FAM53B: variants seen among roughly 807,000 people sequenced by gnomAD.
The protein encoded by FAM53B is family with sequence similarity 53 member B.
Under a neutral mutation model 32.7 loss-of-function variants are expected in FAM53B, and 12 were observed. The observed-to-expected ratio is 0.37, with a 90% confidence interval of 0.24 to 0.59. The LOEUF is 0.59. Ranked by LOEUF, FAM53B falls within the 20% of genes least tolerant of loss-of-function variation. The pLI is 0.72. For synonymous variants in FAM53B, 234 were observed against 228.7 expected (o/e 1.02, Z -0.21); for missense variants, 477 against 577.7 (o/e 0.83, Z 1.79).
In FAM53B at chr10:124,706,658, C is replaced by A. The variant is rs1409435533; in HGVS notation, c.56G>T (p.Cys19Phe). The A allele has an allele frequency of 3.1e-6, 5 of 1,614,232 alleles. No individual in the cohort carries two copies. In the South Asian group the frequency reaches 3.3e-5, roughly 11 times the overall value. ...LSTRGADSIA[C>F]GTFSRELHTP... ...CACCAGTTCACGGCTGAAGGTCCCA[C>A]ATGCAATGGAGTCAGCTCCCCGGGT... Residue 19 changes from cysteine (C) to phenylalanine (F), a missense_variant, in exon 2 of 5, where the codon TGT becomes TTT. This residue lies in a region of FAM53B where 312 missense variants were observed against 420.2 expected (regional missense o/e 0.74). Transcript: ENST00000337318.
intron 2 of FAM53B, among the ~76,000 whole-genome samples, chr10:124,700,979 G>A (rs183539775): frequency 6.6e-6 from 1 of 152,272 alleles, no homozygotes; most frequent in East Asian, 1.9e-4. Context: ...GCTGAGGAGG[G>A]AACAGCACCT....
At chr10:124,646,290 C>T (rs1175870637) in intron 4 of FAM53B, among the ~76,000 whole-genome samples, 1 of 152,218 alleles carries the variant, frequency 6.6e-6, no homozygotes, top group African/African-American at 2.4e-5. Context: ...TTGCTATGTG[C>T]CTTCAAGAAT....
intron 2 of FAM53B, among the ~76,000 whole-genome samples, chr10:124,705,199 C>G (rs1308708760): frequency 6.6e-6 from 1 of 152,164 alleles, no homozygotes; most frequent in African/African-American, 2.4e-5. Context: ...CTGGTAAGGG[C>G]TGAAGAGACC....
At chr10:124,662,248 C>A (rs1949636089) in intron 4 of FAM53B, among the ~76,000 whole-genome samples, 1 of 152,228 alleles carries the variant, frequency 6.6e-6, no homozygotes, top group Admixed American at 6.5e-5. Flanking sequence ...CTTTCCAGGG[C>A]TGTAATAAAG....
chr10:124,676,551 A>G (rs1028212478), intron 4 of FAM53B, among the ~76,000 whole-genome samples: 2 of 152,200 alleles, frequency 1.3e-5, no homozygotes, highest in African/African-American at 4.8e-5. Flanking sequence ...CCCCATGGCG[A>G]CCAACAAGGG....
At chr10:124,736,775 C>T (rs919825645) in intron 1 of FAM53B, among the ~76,000 whole-genome samples, 6 of 152,258 alleles carry the variant, frequency 3.9e-5, no homozygotes, top group African/African-American at 9.6e-5. Context: ...GGACACACAG[C>T]GGCCCCAGAC....
Position 124,668,933 on chromosome 10 carries a change from C to T in FAM53B, c.906+12674G>A, listed in dbSNP as rs191029506. On this transcript the variant is annotated intron_variant, in intron 4 of 4. Coordinates refer to ENST00000337318, the MANE Select transcript of FAM53B (RefSeq NM_014661.4). ...TTCCCAAGGCCTGATGTGCCAAAGG[C>T]GCCTCTCACGGAGGGAAGTGAGTGG... Among the ~76,000 whole-genome samples the T allele has an allele frequency of 2.9e-3, 437 of 152,352 alleles. 1 individual carries two copies. Among genetic ancestry groups the T allele is most frequent in the Non-Finnish European group, 4.6e-3 (316 of 68,026 alleles).
chr10:124,667,272 A>G (rs1949678372), intron 4 of FAM53B: 2 of 632,890 alleles, frequency 3.2e-6, no homozygotes, highest in Non-Finnish European at 5.8e-6. Flanking sequence ...TACTATTCAA[A>G]GTCATTTCAC....
chr10:124,677,160 A>T (rs947708910), intron 4 of FAM53B, among the ~76,000 whole-genome samples: 1 of 152,174 alleles, frequency 6.6e-6, no homozygotes, highest in African/African-American at 2.4e-5. Flanking sequence ...ATCTTTGCTC[A>T]CACACACGTG....
chr10:124,643,550 G>A (rs1029598487), intron 4 of FAM53B, among the ~76,000 whole-genome samples: 15 of 152,356 alleles, frequency 9.8e-5, no homozygotes, highest in Middle Eastern at 6.8e-3. Context: ...AGGGCCAGCG[G>A]GGGGGTGCAG....
At chr10:124,724,390 G>A (rs995102969) in intron 1 of FAM53B, among the ~76,000 whole-genome samples, 6 of 152,204 alleles carry the variant, frequency 3.9e-5, no homozygotes, top group East Asian at 3.9e-4. Context: ...CAGCGCCAGC[G>A]CCCTCACAAG....
At chr10:124,723,589 G>C (rs1437023933) in intron 1 of FAM53B, among the ~76,000 whole-genome samples, 1 of 152,248 alleles carries the variant, frequency 6.6e-6, no homozygotes, top group Non-Finnish European at 1.5e-5. Flanking sequence ...CCCAATCATG[G>C]GAAAACTGAG....
intron 3 of FAM53B, among the ~76,000 whole-genome samples, chr10:124,692,485 C>A (rs1481974630): frequency 6.6e-6 from 1 of 151,946 alleles, no homozygotes; most frequent in African/African-American, 2.4e-5. Flanking sequence ...GAGGCTGAGG[C>A]GGGTGGATCA....
chr10:124,734,036 T>C (rs561782869), intron 1 of FAM53B, among the ~76,000 whole-genome samples: 1 of 152,306 alleles, frequency 6.6e-6, no homozygotes, highest in East Asian at 1.9e-4. Flanking sequence ...TCTTCAAGAC[T>C]CAGGTCAGCT....
chr10:124,670,019 G>C lies in FAM53B; in HGVS notation c.906+11588C>G, dbSNP rs553516621. Among the ~76,000 whole-genome samples, 16 of 152,232 alleles carry C rather than the reference G, an allele frequency of 1.1e-4. 1 individual carries two copies. In the South Asian group the frequency reaches 3.1e-3, roughly 30 times the overall value. On this transcript the variant is annotated intron_variant, in intron 4 of 4. Coordinates refer to ENST00000337318, the MANE Select transcript of FAM53B (RefSeq NM_014661.4). ...GAGGACGCCCTGCAAACACCGGCCCGTGGATTAGGAGTTAGTGACCCACTT... is the reference window on the plus strand; with the variant it reads ...GAGGACGCCCTGCAAACACCGGCCCCTGGATTAGGAGTTAGTGACCCACTT...
intron 4 of FAM53B, among the ~76,000 whole-genome samples, chr10:124,668,837 A>T (rs1564872733): frequency 1.3e-5 from 2 of 152,256 alleles, no homozygotes; most frequent in East Asian, 3.8e-4. Flanking sequence ...CTTGTGTGCC[A>T]AGTTTCAAGT....
intron 3 of FAM53B, among the ~76,000 whole-genome samples, chr10:124,690,965 G>C (rs767441266): frequency 2.6e-5 from 4 of 152,030 alleles, no homozygotes; most frequent in South Asian, 2.1e-4. Context: ...CCAAAAATTG[G>C]GCCTGAGAAG....
chr10:124,644,252 G>A (rs148951589), intron 4 of FAM53B, among the ~76,000 whole-genome samples: 16 of 152,312 alleles, frequency 1.1e-4, no homozygotes, highest in South Asian at 6.2e-4. Flanking sequence ...AGCTCACCGA[G>A]TTAGCTGGGC....
At chr10:124,635,456 C>G (rs1346159505) in intron 4 of FAM53B, among the ~76,000 whole-genome samples, 1 of 152,156 alleles carries the variant, frequency 6.6e-6, no homozygotes, top group Non-Finnish European at 1.5e-5. Flanking sequence ...TTTAAATATA[C>G]AAAAGATGTT....
Sources: gnomAD v4.1 joint callset for allele counts (sites outside exome capture counted in the v4.1 genomes callset) on GRCh38, gnomAD v4.1.1 for gene constraint, gnomAD v4.1.1 regional missense constraint, MANE v1.5 for transcripts, NCBI Gene and HGNC (gene_info 2026-07-23, HGNC 2026-07-21) for gene names.